The following INSYN2B variants were observed in gnomAD, a reference collection of about 807,000 sequenced individuals.
INSYN2B encodes protein INSYN2B.
Under a neutral mutation model 41.2 loss-of-function variants are expected in INSYN2B, and 16 were observed. The ratio of observed to expected loss-of-function variants is 0.39; its 90% CI spans 0.26 to 0.59. INSYN2B has a LOEUF of 0.59. Ranked by LOEUF, INSYN2B falls within the 20% of genes least tolerant of loss-of-function variation. The pLI, the probability that INSYN2B is intolerant of heterozygous loss-of-function variation, is 0.57. For synonymous variants in INSYN2B, 245 were observed against 244.4 expected, an observed-to-expected ratio of 1.00 and a Z score of -0.02; for missense variants, 608 against 646.4, an observed-to-expected ratio of 0.94 and a Z score of 0.64.
intron 1 of INSYN2B, among the ~76,000 whole-genome samples, chr5:169,911,684 A>G (rs1774607468): frequency 6.6e-6 from 1 of 152,198 alleles, no homozygotes; most frequent in Non-Finnish European, 1.5e-5. Context: ...AAAGTTTCCT[A>G]TAATTAGCCA....
At chr5:169,929,567 T>C (rs899227647) in intron 1 of INSYN2B, among the ~76,000 whole-genome samples, 2 of 151,752 alleles carry the variant, frequency 1.3e-5, no homozygotes, top group Non-Finnish European at 2.9e-5. Context: ...TGAAACCTTG[T>C]CTCTAACAAC....
At chr5:169,926,434 TC>T (rs1218805896) in intron 1 of INSYN2B, among the ~76,000 whole-genome samples, 2 of 152,196 alleles carry the variant, frequency 1.3e-5, no homozygotes, top group African/African-American at 4.8e-5. Flanking sequence ...TTTTCCCTGA[TC>T]ACATGAGCCT....
intron 1 of INSYN2B, among the ~76,000 whole-genome samples, chr5:169,933,580 A>G (rs1263439899): frequency 2.0e-5 from 3 of 152,164 alleles, no homozygotes; most frequent in Non-Finnish European, 4.4e-5. Context: ...TTCAGAAACA[A>G]TGAATCTTTA....
intron 1 of INSYN2B, among the ~76,000 whole-genome samples, chr5:169,916,098 G>T (rs746423537): frequency 4.6e-5 from 7 of 152,208 alleles, no homozygotes; most frequent in Non-Finnish European, 5.9e-5. Context: ...GGCAGTTAAT[G>T]AGAATTCAAA....
Position 169,963,154 on chromosome 5 carries a change from C to T in INSYN2B, c.-919+17123G>A, listed in dbSNP as rs373901981. ...GCTCTGTGTTCATAAGGTGCTGTAA[C>T]CAAAAGAGAGTTTGGGAAGGCCTGA... is the stretch of plus-strand genomic sequence containing the variant. On this transcript the variant is annotated intron_variant, in intron 1 of 3. Coordinates refer to ENST00000377365, the MANE Select transcript of INSYN2B (RefSeq NM_001129891.3). 1.6e-3 allele frequency among the ~76,000 whole-genome samples: 240 copies of T among 152,266 alleles called. 4 individuals are homozygous for T. In the South Asian group the frequency reaches 0.043, roughly 27 times the overall value.
At chr5:169,954,162 T>C (rs147954850) in intron 1 of INSYN2B, among the ~76,000 whole-genome samples, 1 of 152,354 alleles carries the variant, frequency 6.6e-6, no homozygotes, top group African/African-American at 2.4e-5. Flanking sequence ...TGCTGTAGTA[T>C]GTTTAAAAGA....
In INSYN2B at chr5:169,907,128, G is replaced by A. The variant is rs144076427; in HGVS notation, c.-918-22312C>T. On this transcript the variant is annotated intron_variant, in intron 1 of 3. Transcript: ENST00000377365. ...CAGTTGAAATCAATCGAAAGATATG[G>A]CCGGGGATGCATCTGGGACCCATAT... Among the ~76,000 whole-genome samples the A allele has an allele frequency of 5.3e-3, 811 of 152,234 alleles. 8 individuals are homozygous for A. Among genetic ancestry groups the A allele is most frequent in the African/African-American group, 0.018 (736 of 41,542 alleles).
At chr5:169,865,452 C>T (rs1004097488) in intron 3 of INSYN2B, among the ~76,000 whole-genome samples, 1 of 152,170 alleles carries the variant, frequency 6.6e-6, no homozygotes, top group Non-Finnish European at 1.5e-5. Flanking sequence ...CTGGTTCACC[C>T]TCCCCAGAAC....
intron 1 of INSYN2B, among the ~76,000 whole-genome samples, chr5:169,964,786 T>C (rs1225729141): frequency 2.0e-5 from 3 of 152,190 alleles, no homozygotes; most frequent in Non-Finnish European, 4.4e-5. Flanking sequence ...GTGTCTTCAT[T>C]TGTAAAAGGT....
chr5:169,912,373 A>G (rs762298400), intron 1 of INSYN2B, among the ~76,000 whole-genome samples: 1 of 152,048 alleles, frequency 6.6e-6, no homozygotes, highest in East Asian at 1.9e-4. Context: ...GCCCTTTCTT[A>G]TCATTGTCTA....
At chr5:169,940,702 T>C (rs147099163) in intron 1 of INSYN2B, among the ~76,000 whole-genome samples, 209 of 152,234 alleles carry the variant, frequency 1.4e-3, no homozygotes, top group Non-Finnish European at 2.4e-3. Flanking sequence ...GAGAATCTAA[T>C]CCCACCACTG....
chr5:169,951,646 T>C (rs1171916368), intron 1 of INSYN2B, among the ~76,000 whole-genome samples: 1 of 152,220 alleles, frequency 6.6e-6, no homozygotes, highest in African/African-American at 2.4e-5. Context: ...AGCATTATGA[T>C]GAGGGTCCAG....
intron 1 of INSYN2B, among the ~76,000 whole-genome samples, chr5:169,944,936 C>T (rs1297546446): frequency 1.3e-5 from 2 of 152,208 alleles, no homozygotes; most frequent in African/African-American, 4.8e-5. Flanking sequence ...GTTCTAACTT[C>T]TTTCTCCCTT....
intron 1 of INSYN2B, among the ~76,000 whole-genome samples, chr5:169,938,462 T>C (rs766821485): frequency 3.9e-5 from 6 of 152,202 alleles, no homozygotes; most frequent in Non-Finnish European, 7.3e-5. Flanking sequence ...AGCATGTTAC[T>C]CTCCCGAATA....
chr5:169,966,585 C>A (rs1038436991), intron 1 of INSYN2B, among the ~76,000 whole-genome samples: 7 of 152,114 alleles, frequency 4.6e-5, no homozygotes, highest in Admixed American at 3.9e-4. Context: ...TGGGTGAATT[C>A]AAATCACCAC....
At chr5:169,967,272 A>G (rs1332728592) in intron 1 of INSYN2B, among the ~76,000 whole-genome samples, 1 of 152,220 alleles carries the variant, frequency 6.6e-6, no homozygotes, top group Non-Finnish European at 1.5e-5. Flanking sequence ...GCCTTTCCAG[A>G]TGAAGTGATT....
intron 1 of INSYN2B, among the ~76,000 whole-genome samples, chr5:169,892,851 C>T (rs1773376645): frequency 6.6e-6 from 1 of 152,016 alleles, no homozygotes. Flanking sequence ...TGGATTTCCT[C>T]TCTCCTTTCT....
At chr5:169,900,141 C>G (rs573236330) in intron 1 of INSYN2B, among the ~76,000 whole-genome samples, 2 of 152,328 alleles carry the variant, frequency 1.3e-5, no homozygotes, top group Admixed American at 6.5e-5. Context: ...CACCTCCAAG[C>G]TCTCAGATCT....
At chr5:169,944,611 T>G (rs1426712997) in intron 1 of INSYN2B, among the ~76,000 whole-genome samples, 1 of 152,232 alleles carries the variant, frequency 6.6e-6, no homozygotes, top group African/African-American at 2.4e-5. Context: ...CCTCTGTGCC[T>G]TGGTTTCCTC....
Sources: gnomAD v4.1 joint callset for allele counts (sites outside exome capture counted in the v4.1 genomes callset) on GRCh38, gnomAD v4.1.1 for gene constraint, MANE v1.5 for transcripts, NCBI Gene and HGNC (gene_info 2026-07-23, HGNC 2026-07-21) for gene names.